Variants in CAST observed in about 807,000 individuals in gnomAD.
The protein encoded by CAST is MIR583 host.
In CAST, 76 loss-of-function variants were observed where a neutral mutation model predicts 119.6. That is an observed-to-expected ratio of 0.64 (90% confidence interval 0.53 to 0.77). The LOEUF is 0.77. Among genes scored for constraint, CAST ranks in the 30% least tolerant of loss-of-function variants. The pLI is 0.00. For synonymous variants in CAST, 319 were observed against 331.6 expected, an observed-to-expected ratio of 0.96 and a Z score of 0.41; for missense variants, 953 against 946.5, an observed-to-expected ratio of 1.01 and a Z score of -0.09.
the CAST span, among the ~76,000 whole-genome samples, chr5:96,123,069 G>C: frequency 6.6e-6 from 1 of 152,000 alleles, no homozygotes; most frequent in African/African-American, 2.4e-5. Flanking sequence ...CTAATGGGAT[G>C]GTTGTTGTTG....
chr5:96,456,913 G>A, the CAST span, among the ~76,000 whole-genome samples: 1 of 152,088 alleles, frequency 6.6e-6, no homozygotes, highest in Non-Finnish European at 1.5e-5. Context: ...CTTTTGCTTG[G>A]CATTTCTCCT....
chr5:96,169,141 G>A, the CAST span, among the ~76,000 whole-genome samples: 5 of 152,140 alleles, frequency 3.3e-5, no homozygotes, highest in African/African-American at 4.8e-5. Context: ...GAGATTAGCC[G>A]GACACGAGCA....
At chr5:96,726,428 G>T (rs1288125407) in intron 4 of CAST, among the ~76,000 whole-genome samples, 3 of 152,098 alleles carry the variant, frequency 2.0e-5, no homozygotes, top group Non-Finnish European at 2.9e-5. Context: ...TATGTTGACA[G>T]AATTTCATAA....
chr5:96,613,384 C>T (rs1343462841), intron 1 of CAST, among the ~76,000 whole-genome samples: 1 of 152,084 alleles, frequency 6.6e-6, no homozygotes, highest in Non-Finnish European at 1.5e-5. Context: ...TTCATATTTG[C>T]ACATCCTTTG....
At chr5:96,305,197 A>G in the CAST span, among the ~76,000 whole-genome samples, 1 of 152,068 alleles carries the variant, frequency 6.6e-6, no homozygotes, top group African/African-American at 2.4e-5. Context: ...TAGGTATTTT[A>G]TTCTCTTTGT....
the CAST span, among the ~76,000 whole-genome samples, chr5:96,035,518 A>G: frequency 6.6e-6 from 1 of 152,014 alleles, no homozygotes. Flanking sequence ...TGTATTTTTA[A>G]CAAGGAATCC....
the CAST span, among the ~76,000 whole-genome samples, chr5:96,400,904 G>A: frequency 5.3e-5 from 8 of 151,568 alleles, no homozygotes; most frequent in South Asian, 2.1e-4. Flanking sequence ...TGGCTAACAC[G>A]GTGAAACCCC....
the CAST span, among the ~76,000 whole-genome samples, chr5:96,062,421 G>A: frequency 7.2e-5 from 11 of 152,164 alleles, no homozygotes; most frequent in South Asian, 2.1e-4. Context: ...TGGATCCAGC[G>A]ATGAAGGCTT....
At chr5:96,129,384 G>A in the CAST span, among the ~76,000 whole-genome samples, 42 of 152,070 alleles carry the variant, frequency 2.8e-4, no homozygotes, top group African/African-American at 9.7e-4. Context: ...GAACCTGGTG[G>A]GTGAGAGAGG....
At chr5:96,518,238 A>G in the CAST span, among the ~76,000 whole-genome samples, 1 of 152,382 alleles carries the variant, frequency 6.6e-6, no homozygotes, top group Admixed American at 6.5e-5. Flanking sequence ...TAGTATTTAT[A>G]GATTAACATC....
rs767945665 is a variant in CAST, at chr5:96,534,836, AGAAG to A, written c.60+4967_60+4970del. 7.8e-5 allele frequency among the ~76,000 whole-genome samples: 11 copies of A among 141,234 alleles called. No individual in the cohort carries two copies. In the East Asian group the frequency reaches 1.6e-3, roughly 20 times the overall value. 92.7% of individuals were successfully genotyped at this position (141,234 alleles called of 152,430 possible). On this transcript the variant is annotated intron_variant, in intron 1 of 11. Transcript: ENST00000505143. The stretch of plus-strand genomic sequence containing the variant: ...AGAAAGAAAGAAAAGAAAGAAGGAA[AGAAG>A]GAAGGAAGGAGGGAGGGAGGGAAGG...
the CAST span, among the ~76,000 whole-genome samples, chr5:96,015,701 C>T: frequency 6.6e-6 from 1 of 152,258 alleles, no homozygotes; most frequent in South Asian, 2.1e-4. Flanking sequence ...TTGCTAGGCC[C>T]ACTTTACAGG....
the CAST span, among the ~76,000 whole-genome samples, chr5:96,217,482 C>G: frequency 6.6e-6 from 1 of 152,004 alleles, no homozygotes; most frequent in Non-Finnish European, 1.5e-5. Context: ...GTGCCGCTCC[C>G]TTGATTTGTG....
At chr5:96,139,542 G>A in the CAST span, among the ~76,000 whole-genome samples, 1 of 90,852 alleles carries the variant, frequency 1.1e-5, no homozygotes, top group Non-Finnish European at 2.3e-5. Flanking sequence ...ATATATATAT[G>A]TATATGTATA....
At chr5:96,676,263 G>T (rs984024126) in intron 2 of CAST, among the ~76,000 whole-genome samples, 3 of 152,110 alleles carry the variant, frequency 2.0e-5, no homozygotes, top group African/African-American at 7.2e-5. Context: ...AATATAACTG[G>T]ATGATACATC....
the CAST span, among the ~76,000 whole-genome samples, chr5:96,447,939 A>T: frequency 6.6e-6 from 1 of 152,190 alleles, no homozygotes; most frequent in East Asian, 1.9e-4. Flanking sequence ...CTGCTAGAAC[A>T]GCTCTGTCCT....
the CAST span, chr5:96,421,849 C>G: frequency 8.6e-7 from 1 of 1,164,430 alleles, no homozygotes; most frequent in East Asian, 2.3e-5. Flanking sequence ...TTGTAAAGTA[C>G]TTTATTTCAC....
At chr5:96,520,080 C>G in the CAST span, among the ~76,000 whole-genome samples, 1 of 152,324 alleles carries the variant, frequency 6.6e-6, no homozygotes, top group South Asian at 2.1e-4. Flanking sequence ...TGTCCAAGAT[C>G]CCCTCCTAGT....
chr5:96,712,380 G>A (rs1308477770), intron 3 of CAST, among the ~76,000 whole-genome samples: 1 of 152,150 alleles, frequency 6.6e-6, no homozygotes, highest in Non-Finnish European at 1.5e-5. Context: ...CACTTGGGCT[G>A]GAGTGCAGTG....
Sources: gnomAD v4.1 joint callset for allele counts (sites outside exome capture counted in the v4.1 genomes callset) on GRCh38, gnomAD v4.1.1 for gene constraint, MANE v1.5 for transcripts, NCBI Gene and HGNC (gene_info 2026-07-23, HGNC 2026-07-21) for gene names.